Variants in RBKS observed in about 807,000 individuals in gnomAD.
RBKS encodes ribokinase.
Under a neutral mutation model 33.9 loss-of-function variants are expected in RBKS, and 33 were observed. The ratio of observed to expected loss-of-function variants is 0.97; its 90% CI spans 0.74 to 1.30. The LOEUF (loss-of-function observed/expected upper bound fraction) is 1.30, where lower values mean the gene tolerates loss of function less well. RBKS is among the 50% of genes most tolerant of loss of function. RBKS has a pLI of 0.00. For missense variants in RBKS, 361 were observed against 392.6 expected (o/e 0.92, Z 0.68); for synonymous variants, 125 against 143.0 (o/e 0.87, Z 0.90).
At chr2:27,873,012 C>T (rs768526224) in intron 1 of RBKS, among the ~76,000 whole-genome samples, 21 of 152,108 alleles carry the variant, frequency 1.4e-4, no homozygotes, top group Non-Finnish European at 2.9e-4. Context: ...GGGTATGGAA[C>T]ACACATGAGG....
intron 7 of RBKS, among the ~76,000 whole-genome samples, chr2:27,792,241 C>T (rs142139806): frequency 3.0e-3 from 455 of 152,340 alleles, no homozygotes; most frequent in African/African-American, 0.01. Context: ...CTTCTGGCAG[C>T]GTGGGCTTTG....
rs541310742 is a variant in RBKS, at chr2:27,843,204, C to G, written c.377G>C (p.Gly126Ala). Residue 126 changes from glycine to alanine, a missense_variant, in exon 5 of 8, where the codon GGA becomes GCA. Physicochemically the swap from Gly to Ala is moderately conservative, Grantham distance 60 (BLOSUM62 0). Coordinates refer to ENST00000302188, the MANE Select transcript of RBKS (RefSeq NM_022128.3). ...EGQNIIVIVA[G>A]ANLLLNTEDL... The stretch of plus-strand genomic sequence containing the variant: ...CTCCGTATTCAAAAGTAAATTTGCT[C>G]CAGCCACTATGACAATGATATTCTG... 1.4e-5 allele frequency: 23 copies of G among 1,611,748 alleles called. No individual in the cohort carries two copies. In the South Asian group the frequency reaches 2.0e-4, roughly 14 times the overall value.
intron 1 of RBKS, 74 bp from the exon 2 acceptor site, chr2:27,858,645 G>T (rs1456840534): frequency 2.2e-6 from 3 of 1,371,156 alleles, no homozygotes; most frequent in Non-Finnish European, 3.1e-6. Context: ...AGAAGAGAGG[G>T]AAGGCTATAT....
intron 1 of RBKS, among the ~76,000 whole-genome samples, chr2:27,873,616 C>G (rs1664257729): frequency 6.6e-6 from 1 of 152,082 alleles, no homozygotes; most frequent in Non-Finnish European, 1.5e-5. Context: ...ACCTCTAACT[C>G]AGAAAAAACC....
At chr2:27,885,067 A>G (rs1361090894) in intron 1 of RBKS, among the ~76,000 whole-genome samples, 1 of 151,800 alleles carries the variant, frequency 6.6e-6, no homozygotes, top group Non-Finnish European at 1.5e-5. Flanking sequence ...CCTCAATTTG[A>G]TATCTAGTAG....
At chr2:27,811,513 C>G (rs1211787078) in intron 7 of RBKS, among the ~76,000 whole-genome samples, 1 of 152,140 alleles carries the variant, frequency 6.6e-6, no homozygotes, top group African/African-American at 2.4e-5. Flanking sequence ...TCTTGGAACT[C>G]CCACGATGCT....
intron 5 of RBKS, among the ~76,000 whole-genome samples, chr2:27,833,632 C>T (rs1371000435): frequency 2.0e-5 from 3 of 152,264 alleles, no homozygotes; most frequent in African/African-American, 4.8e-5. Flanking sequence ...TTTAAGTTCA[C>T]GGTTTGGTCC....
intron 5 of RBKS, among the ~76,000 whole-genome samples, chr2:27,839,371 A>G (rs1663421334): frequency 1.3e-5 from 2 of 152,200 alleles, no homozygotes; most frequent in African/African-American, 2.4e-5. Context: ...CAGAACCAAC[A>G]TGCATAATTT....
chr2:27,786,412 C>T (rs368444024), intron 7 of RBKS, among the ~76,000 whole-genome samples: 3 of 152,148 alleles, frequency 2.0e-5, no homozygotes, highest in East Asian at 1.9e-4. Flanking sequence ...CTGGCATTGC[C>T]GATAGAAATC....
chr2:27,889,910 G>T (rs1440307284), intron 1 of RBKS: 2 of 243,764 alleles, frequency 8.2e-6, no homozygotes, highest in Admixed American at 1.1e-4. Flanking sequence ...AAATGACGTG[G>T]GCAAAGTTCC....
intron 7 of RBKS, among the ~76,000 whole-genome samples, chr2:27,784,416 G>A (rs1318695338): frequency 2.0e-5 from 3 of 152,226 alleles, no homozygotes; most frequent in Admixed American, 1.3e-4. Flanking sequence ...CACAGTTGAT[G>A]TATTTAATGG....
chr2:27,889,388 G>A (rs1433678600), intron 1 of RBKS, among the ~76,000 whole-genome samples: 5 of 152,160 alleles, frequency 3.3e-5, no homozygotes, highest in Non-Finnish European at 7.3e-5. Flanking sequence ...ATAACACAAA[G>A]TAGCATTACA....
At chr2:27,860,597 T>C (rs1573069451) in intron 1 of RBKS, among the ~76,000 whole-genome samples, 1 of 152,132 alleles carries the variant, frequency 6.6e-6, no homozygotes. Flanking sequence ...CTGGGATGTA[T>C]ATATATATGT....
At chr2:27,851,130 C>G (rs762125086) in intron 2 of RBKS, among the ~76,000 whole-genome samples, 17 of 152,212 alleles carry the variant, frequency 1.1e-4, no homozygotes, top group Admixed American at 3.9e-4. Context: ...ATCCAGGTTT[C>G]AGTCACTCCT....
intron 7 of RBKS, among the ~76,000 whole-genome samples, chr2:27,806,130 C>T (rs1419835177): frequency 4.6e-5 from 7 of 152,034 alleles, no homozygotes; most frequent in Non-Finnish European, 8.8e-5. Context: ...ACGATTCGCC[C>T]GCCTCGGCCT....
chr2:27,821,555 ACTTT>A (rs1173680859), intron 7 of RBKS, among the ~76,000 whole-genome samples: 2 of 152,174 alleles, frequency 1.3e-5, no homozygotes, highest in East Asian at 3.8e-4. Flanking sequence ...TGGATACTTG[ACTTT>A]CTTCTTTATA....
intron 5 of RBKS, among the ~76,000 whole-genome samples, chr2:27,838,698 A>G (rs1419812350): frequency 6.6e-6 from 1 of 152,236 alleles, no homozygotes; most frequent in East Asian, 1.9e-4. Context: ...AAGAATGCAA[A>G]TCTGTAATAG....
At chr2:27,875,895 T>A (rs571919553) in intron 1 of RBKS, among the ~76,000 whole-genome samples, 1 of 152,024 alleles carries the variant, frequency 6.6e-6, no homozygotes, top group South Asian at 2.1e-4. Context: ...CATATGGGGA[T>A]GCAAAATTGC....
At chr2:27,823,914 A>C (rs1237976870) in intron 7 of RBKS, among the ~76,000 whole-genome samples, 1 of 152,186 alleles carries the variant, frequency 6.6e-6, no homozygotes, top group Admixed American at 6.5e-5. Flanking sequence ...GCATCATAAA[A>C]TTCACTCTTT....
Sources: allele counts gnomAD v4.1 joint callset (sites outside exome capture counted in the v4.1 genomes callset), GRCh38; gene constraint gnomAD v4.1.1; transcripts MANE v1.5; gene names NCBI Gene and HGNC (gene_info 2026-07-23, HGNC 2026-07-21).